Variants in CTPS2 observed in about 807,000 individuals in gnomAD.
CTPS2 encodes CTP synthase II.
Under a neutral mutation model 46.8 loss-of-function variants are expected in CTPS2, and 19 were observed. The ratio of observed to expected loss-of-function variants is 0.41; its 90% CI spans 0.28 to 0.60. The LOEUF (loss-of-function observed/expected upper bound fraction) is 0.60, where lower values mean the gene tolerates loss of function less well. CTPS2 is among the 20% of genes least tolerant of loss of function. The pLI, the probability that CTPS2 is intolerant of heterozygous loss-of-function variation, is 0.35. For missense variants in CTPS2, 286 were observed against 447.6 expected, an observed-to-expected ratio of 0.64 and a Z score of 3.26; for synonymous variants, 151 against 165.2, an observed-to-expected ratio of 0.91 and a Z score of 0.66.
intron 9 of CTPS2, 78 bp from the exon 10 acceptor site, chrX:16,678,528 GA>G (rs1922469155): frequency 3.5e-6 from 2 of 571,358 alleles, no homozygotes; most frequent in Non-Finnish European, 5.8e-6. Context: ...CTAATACTAT[GA>G]CACATTATTC....
intron 14 of CTPS2, among the ~76,000 whole-genome samples, chrX:16,629,796 G>A (rs1487949205): frequency 1.8e-5 from 2 of 111,838 alleles, no homozygotes; most frequent in African/African-American, 3.3e-5. Context: ...AAACTGTACC[G>A]GGACTCCCAG....
At chrX:16,638,925 G>T in intron 14 of CTPS2, 1 of 529,539 alleles carries the variant, frequency 1.9e-6, no homozygotes. Flanking sequence ...GGGGCATTCA[G>T]TGTGTTCTAC....
chrX:16,608,075 T>C (rs1013576678), intron 17 of CTPS2, among the ~76,000 whole-genome samples: 3 of 110,917 alleles, frequency 2.7e-5, no homozygotes, highest in Non-Finnish European at 5.7e-5. Context: ...TAGCCAGGCA[T>C]GGTGGCACAC....
chrX:16,654,796 A>G (rs1158993836), intron 13 of CTPS2: 1 of 137,733 alleles, frequency 7.3e-6, no homozygotes, highest in Non-Finnish European at 1.4e-5. Flanking sequence ...TGAGGCAGGA[A>G]GAACACTTGA....
chrX:16,606,864 C>T (rs1169106086), intron 17 of CTPS2, among the ~76,000 whole-genome samples: 1 of 111,630 alleles, frequency 9.0e-6, no homozygotes, highest in East Asian at 2.8e-4. Context: ...CGGGTTCAAA[C>T]GCTCCTCCTG....
intron 13 of CTPS2, among the ~76,000 whole-genome samples, chrX:16,650,629 C>T (rs904384549): frequency 3.8e-5 from 4 of 105,484 alleles, no homozygotes; most frequent in African/African-American, 7.0e-5. Context: ...TCTCCTGCCT[C>T]GGTCTTCCAA....
chrX:16,614,739 G>A (rs1342723093), intron 16 of CTPS2, among the ~76,000 whole-genome samples: 2 of 109,021 alleles, frequency 1.8e-5, no homozygotes, highest in South Asian at 4.0e-4. Context: ...AAACCCTGCC[G>A]CTACAAAAAA....
chrX:16,669,096 G>C (rs182059210), intron 11 of CTPS2, among the ~76,000 whole-genome samples: 1 of 111,006 alleles, frequency 9.0e-6, no homozygotes, highest in Admixed American at 9.6e-5. Flanking sequence ...AAGCAGCAGT[G>C]GGGGGTGGGG....
chrX:16,701,605 A>ATT (rs368196376), intron 2 of CTPS2, among the ~76,000 whole-genome samples: 3 of 95,104 alleles, frequency 3.2e-5, no homozygotes, highest in African/African-American at 3.8e-5. Context: ...GGACACAAAC[A>ATT]TTTTTTTTTT....
intron 17 of CTPS2, among the ~76,000 whole-genome samples, chrX:16,599,580 G>T (rs773265924): frequency 1.9e-5 from 2 of 106,436 alleles, no homozygotes; most frequent in South Asian, 8.6e-4. Context: ...GGGTTCAAGC[G>T]ATTCTCCTGC....
rs58126344 is a variant in CTPS2, at chrX:16,681,427, T to C, written c.1005+1667A>G. 0.014 allele frequency among the ~76,000 whole-genome samples: 1,555 copies of C among 111,910 alleles called. 99 individuals carry two copies. In the East Asian group the frequency reaches 0.27, roughly 19 times the overall value. ...TGCTTAAACAATGATATACTCATACTGAATATCATTAAATATAAATGTGAG... is the reference window on the plus strand; with the variant it reads ...TGCTTAAACAATGATATACTCATACCGAATATCATTAAATATAAATGTGAG... On this transcript the variant is annotated intron_variant, in intron 9 of 18. Coordinates refer to ENST00000359276, the MANE Select transcript of CTPS2 (RefSeq NM_175859.3).
At chrX:16,681,138 A>G (rs1922713539) in intron 9 of CTPS2, among the ~76,000 whole-genome samples, 1 of 111,276 alleles carries the variant, frequency 9.0e-6, no homozygotes, top group Admixed American at 9.6e-5. Flanking sequence ...GTGAGCTGAG[A>G]TGGCACCACT....
At chrX:16,639,019 A>G (rs1931910160) in intron 14 of CTPS2, 128 bp downstream of exon 14, 1 of 563,233 alleles carries the variant, frequency 1.8e-6, no homozygotes, top group Admixed American at 2.3e-5. Context: ...ATGGGAAGAG[A>G]GAGAATCAGG....
intron 14 of CTPS2, among the ~76,000 whole-genome samples, chrX:16,630,889 C>T (rs752369766): frequency 3.4e-4 from 39 of 113,112 alleles, no homozygotes; most frequent in Admixed American, 3.7e-4. Context: ...CAACCATGCT[C>T]ATTCACTCAC....
intron 8 of CTPS2, among the ~76,000 whole-genome samples, chrX:16,687,419 G>A (rs1373319959): frequency 1.1e-5 from 1 of 94,468 alleles, no homozygotes; most frequent in Non-Finnish European, 2.0e-5. Flanking sequence ...AGGCTGCAGT[G>A]AGCTGAGATT....
At chrX:16,693,325 A>G (rs1399749324) in intron 5 of CTPS2, 46 bp downstream of exon 5, 1 of 1,082,261 alleles carries the variant, frequency 9.2e-7, no homozygotes, top group East Asian at 3.0e-5. Flanking sequence ...ATATCATAGG[A>G]AAACTTATCA....
At chrX:16,624,095 CCCT>C (rs1930998146) in intron 14 of CTPS2, among the ~76,000 whole-genome samples, 2 of 110,396 alleles carry the variant, frequency 1.8e-5, no homozygotes, top group African/African-American at 6.6e-5. Context: ...CTGGCCCATC[CCCT>C]CAATTCTTAA....
At position 16,694,024 on chromosome X, in the gene CTPS2, C is replaced by T. The variant is rs771378494; in HGVS notation, c.439-537G>A. 8.2e-5 allele frequency among the ~76,000 whole-genome samples: 9 copies of T among 109,671 alleles called. No individual in the cohort carries two copies. The East Asian group carries it at 2.0e-3, about 25-fold the overall frequency. ...ACTAAAAATACAAAAATTAGCTGGACGTGGTGGGGCACACCTGTAGTCCCA... is the reference window on the plus strand; with the variant it reads ...ACTAAAAATACAAAAATTAGCTGGATGTGGTGGGGCACACCTGTAGTCCCA... On this transcript the variant is annotated intron_variant, in intron 4 of 18. Coordinates refer to ENST00000359276, the MANE Select transcript of CTPS2 (RefSeq NM_175859.3).
intron 13 of CTPS2, among the ~76,000 whole-genome samples, chrX:16,662,870 T>C (rs958308199): frequency 9.0e-6 from 1 of 111,235 alleles, no homozygotes; most frequent in African/African-American, 3.3e-5. Flanking sequence ...AATGCACACA[T>C]CCTCTGACTT....
Sources: gnomAD v4.1 joint callset for allele counts (sites outside exome capture counted in the v4.1 genomes callset) on GRCh38, gnomAD v4.1.1 for gene constraint, MANE v1.5 for transcripts, NCBI Gene and HGNC (gene_info 2026-07-23, HGNC 2026-07-21) for gene names.